The following ODF2L variants were observed in gnomAD, a reference collection of about 807,000 sequenced individuals.
ODF2L encodes protein BCAP.
A neutral mutation model predicts 86.3 loss-of-function variants in ODF2L; 76 were observed. The ratio of observed to expected loss-of-function variants is 0.88; its 90% confidence interval spans 0.73 to 1.07. The LOEUF is 1.07. ODF2L is among the 50% of genes least tolerant of loss of function. The pLI, the probability that ODF2L is intolerant of heterozygous loss-of-function variation, is 0.00. For synonymous variants in ODF2L, 241 were observed against 231.3 expected (o/e 1.04, Z -0.38); for missense variants, 748 against 717.4 (o/e 1.04, Z -0.49).
intron 13 of ODF2L, chr1:86,357,717 T>C: frequency 1.0e-6 from 1 of 973,222 alleles, no homozygotes; most frequent in Non-Finnish European, 1.2e-6. Flanking sequence ...ACCAGGAGAC[T>C]TAAAACAGTG....
At chr1:86,350,515 G>A (rs1658053809) in exon 18 of ODF2L, 2 of 152,162 alleles carry the variant, frequency 1.3e-5, no homozygotes, top group Admixed American at 1.3e-4. Flanking sequence ...TGGGCATTTG[G>A]GTTGGCTCCA....
chr1:86,373,196 G>A (rs1390928770), intron 8 of ODF2L, among the ~76,000 whole-genome samples: 2 of 151,890 alleles, frequency 1.3e-5, no homozygotes, highest in African/African-American at 4.8e-5. Context: ...TATACACATA[G>A]TGGAAGTTTC....
intron 1 of ODF2L, 35 bp from the exon 2 acceptor site, chr1:86,387,121 T>C (rs1558062283): frequency 1.7e-6 from 1 of 581,510 alleles, no homozygotes; most frequent in South Asian, 2.7e-5. Flanking sequence ...TTTATTTCAA[T>C]AGAGTTTTTT....
At chr1:86,380,721 T>C (rs1238014481) in intron 7 of ODF2L, among the ~76,000 whole-genome samples, 2 of 152,130 alleles carry the variant, frequency 1.3e-5, no homozygotes, top group African/African-American at 2.4e-5. Context: ...AATGTCTGTA[T>C]ACATGTCACA....
intron 13 of ODF2L, 191 bp downstream of exon 12, chr1:86,358,596 A>G (rs1423349495): frequency 3.5e-6 from 1 of 283,870 alleles, no homozygotes; most frequent in East Asian, 6.4e-5. Flanking sequence ...GTGAAAAAAC[A>G]TTCACATAAA....
intron 1 of ODF2L, among the ~76,000 whole-genome samples, chr1:86,393,407 T>C (rs548948527): frequency 6.7e-6 from 1 of 150,212 alleles, no homozygotes; most frequent in Non-Finnish European, 1.5e-5. Flanking sequence ...AGGATAGGAA[T>C]CTTGGAAACA....
At chr1:86,391,475 G>C (rs1029417010) in intron 1 of ODF2L, among the ~76,000 whole-genome samples, 1 of 152,146 alleles carries the variant, frequency 6.6e-6, no homozygotes, top group Non-Finnish European at 1.5e-5. Context: ...TATAAAAATA[G>C]GCACATAGAC....
chr1:86,356,381 G>A (rs555093268), intron 14 of ODF2L, 63 bp downstream of exon 13: 231 of 1,409,714 alleles, frequency 1.6e-4, no homozygotes, highest in Non-Finnish European at 2.1e-4. Flanking sequence ...CCCTCAACTG[G>A]TGAAATCATT....
chr1:86,396,019 A>T lies in ODF2L; in HGVS notation c.-60+14T>A, dbSNP rs1399424997. 3 of 152,244 alleles carry T rather than the reference A, an allele frequency of 2.0e-5. No individual in the cohort carries two copies. Among genetic ancestry groups the T allele is most frequent in the Admixed American group, 2.0e-4 (3 of 15,282 alleles). 9.4% of individuals were successfully genotyped at this position (152,244 alleles called of 1,614,324 possible). On this transcript the variant is annotated intron_variant, in intron 1 of 17. Transcript: ENST00000317336. The stretch of plus-strand genomic sequence containing the variant: ...TCCCCACAAAGTCGCCCCCAACCCA[A>T]AAGGCGTACTTACGCCCCCGCCGCT...
rs372980087 is a variant in ODF2L at position 86,386,954 on chromosome 1, T to C, written c.74A>G (p.Glu25Gly). The change falls in exon 2 of 18, where the codon GAA becomes GGA. Residue 25 changes from glutamate (E) to glycine (G), a missense_variant. Coordinates refer to ENST00000317336, the Ensembl canonical transcript of ODF2L. ...TTCACTGGTACACCGTGGTAAATCT[T>C]CTTTCTCTGATATAGTTTTAAGATG... 1.4e-4 allele frequency: 223 copies of C among 1,598,312 alleles called. No individual in the cohort carries two copies. Among genetic ancestry groups the C allele is most frequent in the Non-Finnish European group, 1.8e-4 (211 of 1,170,408 alleles).
At chr1:86,392,429 A>C (rs1661400054) in intron 1 of ODF2L, among the ~76,000 whole-genome samples, 1 of 152,040 alleles carries the variant, frequency 6.6e-6, no homozygotes, top group Non-Finnish European at 1.5e-5. Context: ...GAGTAAAAAA[A>C]CTGTGATATA....
chr1:86,372,494 CT>C lies in ODF2L; in HGVS notation c.856del (p.Ser286ValfsTer7). The C allele has an allele frequency of 6.5e-7, 1 of 1,529,112 alleles. No homozygotes were observed. Among genetic ancestry groups the C allele is most frequent in the Non-Finnish European group, 8.7e-7 (1 of 1,144,144 alleles). 94.7% of individuals were successfully genotyped at this position (1,529,112 alleles called of 1,614,324 possible). A position where few individuals can be genotyped will look rare whatever the true frequency, so the allele number is the denominator to read the frequency against. On this transcript the variant is annotated frameshift_variant, in exon 9 of 18. Coordinates refer to ENST00000317336, the Ensembl canonical transcript of ODF2L. LOFTEE classifies it high-confidence loss of function. ...TTCTATCACAATTTTCTCATAATGA[CT>C]TTTCCAGGCATTGGAAGCTGAAATT...
Position 86,352,019 on chromosome 1 carries a change from A to G in ODF2L, c.*172T>C, listed in dbSNP as rs959726986. 9.2e-6 allele frequency: 12 copies of G among 1,299,026 alleles called. No homozygotes were observed. In the South Asian group the frequency reaches 2.9e-4, roughly 32 times the overall value. 80.5% of individuals were successfully genotyped at this position (1,299,026 alleles called of 1,614,324 possible). A position where few individuals can be genotyped will look rare whatever the true frequency, so the allele number is the denominator to read the frequency against. On this transcript the variant is annotated 3_prime_UTR_variant, in exon 18 of 18. Coordinates refer to ENST00000317336, the Ensembl canonical transcript of ODF2L. ...ATGGTGAGTTAAAAAAAAGTTTAGA[A>G]ATAAATGGAAGGCCTGTGCTAAATT...
intron 8 of ODF2L, among the ~76,000 whole-genome samples, chr1:86,373,414 C>T (rs1318059311): frequency 2.0e-5 from 3 of 150,048 alleles, no homozygotes; most frequent in Non-Finnish European, 3.0e-5. Flanking sequence ...GTAGCTAGGG[C>T]TACAAATGTC....
chr1:86,363,419 A>T (rs1659181232), intron 11 of ODF2L, among the ~76,000 whole-genome samples: 1 of 152,164 alleles, frequency 6.6e-6, no homozygotes, highest in African/African-American at 2.4e-5. Context: ...GATTATTTAT[A>T]AAATTTGGAG....
chr1:86,370,334 A>G (rs1659707294), intron 10 of ODF2L, among the ~76,000 whole-genome samples: 1 of 151,004 alleles, frequency 6.6e-6, no homozygotes, highest in African/African-American at 2.4e-5. Flanking sequence ...TAAATACAAC[A>G]AAACAATGTT....
At chr1:86,385,433 T>G (rs1322900838) in intron 3 of ODF2L, 25 bp downstream of exon 3, 1 of 1,421,352 alleles carries the variant, frequency 7.0e-7, no homozygotes, top group Non-Finnish European at 9.8e-7. Flanking sequence ...CTTTTCATTT[T>G]ATTATATATT....
chr1:86,378,610 C>T (rs1054115428), intron 7 of ODF2L, among the ~76,000 whole-genome samples: 4 of 152,082 alleles, frequency 2.6e-5, no homozygotes, highest in Admixed American at 1.3e-4. Context: ...AAACTTCAAT[C>T]GTGGCAGAAG....
At chr1:86,352,279 G>C in intron 17 of ODF2L, 1 of 1,394,326 alleles carries the variant, frequency 7.2e-7, no homozygotes, top group Non-Finnish European at 9.4e-7. Context: ...ATTTAATCAT[G>C]AGTAATGCTA....
Sources: allele counts gnomAD v4.1 joint callset (sites outside exome capture counted in the v4.1 genomes callset), GRCh38; gene constraint gnomAD v4.1.1; transcripts MANE v1.5; gene names NCBI Gene and HGNC (gene_info 2026-07-23, HGNC 2026-07-21).